CCDC171: variants seen among roughly 807,000 people sequenced by gnomAD.
CCDC171 encodes the protein coiled-coil domain containing 171.
In CCDC171, 177 loss-of-function variants were observed where a neutral mutation model predicts 168.2. That is an observed-to-expected ratio of 1.05 (90% CI 0.93 to 1.19). The LOEUF (loss-of-function observed/expected upper bound fraction) is 1.19, where lower values mean the gene tolerates loss of function less well. Ranked by LOEUF, CCDC171 falls within the 50% of genes most tolerant of loss-of-function variation. The pLI is 0.00. For synonymous variants in CCDC171, 687 were observed against 540.8 expected, an observed-to-expected ratio of 1.27 and a Z score of -3.75; for missense variants, 1,991 against 1,539.0, an observed-to-expected ratio of 1.29 and a Z score of -4.91.
chr9:15,740,986 A>G (rs1376115581), intron 16 of CCDC171, among the ~76,000 whole-genome samples: 1 of 152,030 alleles, frequency 6.6e-6, no homozygotes, highest in African/African-American at 2.4e-5. Context: ...CCTCATATAG[A>G]TTTTTTACAT....
chr9:15,732,729 T>C (rs1244724245), intron 16 of CCDC171, among the ~76,000 whole-genome samples: 1 of 152,146 alleles, frequency 6.6e-6, no homozygotes, highest in Admixed American at 6.5e-5. Flanking sequence ...TTGGCAATTA[T>C]GAGTAGAGAT....
Position 15,745,551 on chromosome 9 carries a change from TCAGTTGGCTCAC to T in CCDC171, c.2597_2608del (p.Trp866_Ser869del), listed in dbSNP as rs1370311428. 13 of 1,589,382 alleles carry T rather than the reference TCAGTTGGCTCAC, an allele frequency of 8.2e-6. No individual in the cohort carries two copies. The highest frequency in any genetic ancestry group is 1.1e-5 in the Non-Finnish European group (13 of 1,170,384). The stretch of plus-strand genomic sequence containing the variant: ...GAGCAGTTGCGTTGTTTACAAGCGC[TCAGTTGGCTCAC>T]CAGTTCTGACCTTCTTGCTGCAATA... On this transcript the variant is annotated inframe_deletion, in exon 18 of 26. Coordinates refer to ENST00000380701, the MANE Select transcript of CCDC171 (RefSeq NM_173550.4).
rs538386739 is a variant in CCDC171, at chr9:15,951,208, A to C, written c.3754-20401A>C. Among the ~76,000 whole-genome samples the C allele has an allele frequency of 8.0e-5, 12 of 150,288 alleles. No homozygotes were observed. In the East Asian group the frequency reaches 2.4e-3, roughly 30 times the overall value. On this transcript the variant is annotated intron_variant, in intron 25 of 25. Coordinates refer to ENST00000380701, the MANE Select transcript of CCDC171 (RefSeq NM_173550.4). ...TAACACCCCACTGTCAACATTGGAC[A>C]GATCAACGAGACAGAAAGTCAACAA...
chr9:16,068,754 CATACGATGTATTCTGCCAGG>C, the CCDC171 span, among the ~76,000 whole-genome samples: 127 of 126,448 alleles, frequency 1.0e-3, no homozygotes, highest in African/African-American at 2.8e-3. Context: ...AACCTGGGGT[CATACGATGTATTCTGCCAGG>C]ATACGATGTA....
chr9:15,557,093 G>C (rs1245297080), intron 1 of CCDC171, among the ~76,000 whole-genome samples: 3 of 152,090 alleles, frequency 2.0e-5, no homozygotes, highest in Non-Finnish European at 4.4e-5. Context: ...CTGTTCCATT[G>C]GTCTATATAT....
chr9:15,749,002 G>T (rs779207862), intron 18 of CCDC171, among the ~76,000 whole-genome samples: 1 of 152,166 alleles, frequency 6.6e-6, no homozygotes, highest in African/African-American at 2.4e-5. Context: ...AAAGGCTCCA[G>T]TTGAAAGATT....
At chr9:15,981,135 C>G (rs1371481965) in intron 3 of CCDC171, among the ~76,000 whole-genome samples, 8 of 152,098 alleles carry the variant, frequency 5.3e-5, no homozygotes, top group Non-Finnish European at 1.0e-4. Flanking sequence ...CATGGGAATT[C>G]AAGATGAGAT....
chr9:15,890,494 A>T (rs148456334), intron 24 of CCDC171, among the ~76,000 whole-genome samples: 57 of 151,780 alleles, frequency 3.8e-4, no homozygotes, highest in African/African-American at 1.3e-3. Context: ...ATGACTTTTA[A>T]TCTGCAAAAT....
chr9:15,860,451 T>C (rs971416340), intron 23 of CCDC171, among the ~76,000 whole-genome samples: 3 of 151,968 alleles, frequency 2.0e-5, no homozygotes, highest in African/African-American at 4.8e-5. Flanking sequence ...AGTTTTGATA[T>C]GTTGTATTTC....
intron 8 of CCDC171, among the ~76,000 whole-genome samples, chr9:15,658,378 T>C (rs1167108168): frequency 6.6e-6 from 1 of 152,240 alleles, no homozygotes; most frequent in African/African-American, 2.4e-5. Flanking sequence ...GGAGTGAAGA[T>C]AGGAGGCTGG....
chr9:15,690,754 A>G (rs1360255972), intron 10 of CCDC171, among the ~76,000 whole-genome samples: 1 of 152,214 alleles, frequency 6.6e-6, no homozygotes, highest in Non-Finnish European at 1.5e-5. Context: ...TGTAACAAAA[A>G]GAGATTGCTT....
chr9:15,850,637 T>A (rs929673289), intron 23 of CCDC171, among the ~76,000 whole-genome samples: 2 of 151,990 alleles, frequency 1.3e-5, no homozygotes, highest in Non-Finnish European at 2.9e-5. Flanking sequence ...GGAAAGATAA[T>A]TGGGGATAAT....
chr9:15,711,059 C>A (rs919570328), intron 11 of CCDC171, among the ~76,000 whole-genome samples: 6 of 152,128 alleles, frequency 3.9e-5, no homozygotes, highest in Non-Finnish European at 8.8e-5. Context: ...ATGGAATCTG[C>A]AGTAATGGAA....
chr9:15,882,306 A>G (rs745658161), intron 24 of CCDC171, among the ~76,000 whole-genome samples: 3 of 152,028 alleles, frequency 2.0e-5, no homozygotes, highest in Non-Finnish European at 4.4e-5. Flanking sequence ...TTTGCTATTG[A>G]GTTGTTTGAG....
At chr9:16,021,897 G>T (rs528748422) in intron 4 of CCDC171, among the ~76,000 whole-genome samples, 2 of 152,324 alleles carry the variant, frequency 1.3e-5, no homozygotes, top group Admixed American at 6.5e-5. Context: ...TGAGTGATGA[G>T]CATGTGGAAT....
chr9:15,629,448 G>C (rs1264866271), intron 7 of CCDC171, among the ~76,000 whole-genome samples: 1 of 152,164 alleles, frequency 6.6e-6, no homozygotes, highest in Non-Finnish European at 1.5e-5. Context: ...TCAAATGAAT[G>C]AAATGAAGCA....
At chr9:16,030,814 C>T (rs1320714232) in intron 6 of CCDC171, among the ~76,000 whole-genome samples, 2 of 152,194 alleles carry the variant, frequency 1.3e-5, no homozygotes, top group African/African-American at 2.4e-5. Flanking sequence ...TCCATGTGAT[C>T]GCTTCCCAAG....
At chr9:16,048,455 A>C (rs1411125375) in intron 1 of CCDC171, among the ~76,000 whole-genome samples, 1 of 152,196 alleles carries the variant, frequency 6.6e-6, no homozygotes, top group Non-Finnish European at 1.5e-5. Context: ...ATGCCACATT[A>C]CAAATTAGTG....
At chr9:15,897,129 A>G (rs1317603091) in intron 24 of CCDC171, among the ~76,000 whole-genome samples, 3 of 152,036 alleles carry the variant, frequency 2.0e-5, no homozygotes, top group Non-Finnish European at 2.9e-5. Flanking sequence ...AGCTAATCCT[A>G]TGTGGGCAGG....
Sources: allele counts gnomAD v4.1 joint callset (sites outside exome capture counted in the v4.1 genomes callset), GRCh38; gene constraint gnomAD v4.1.1; transcripts MANE v1.5; gene names NCBI Gene and HGNC (gene_info 2026-07-23, HGNC 2026-07-21).